The following NTM variants were observed in gnomAD, a reference collection of about 807,000 sequenced individuals.
NTM encodes IgLON family member 2.
NTM carries 13 observed loss-of-function variants against 42.1 expected under a neutral mutation model. The ratio of observed to expected loss-of-function variants is 0.31; its 90% CI spans 0.20 to 0.49. The LOEUF is 0.49. NTM is among the 20% of genes least tolerant of loss of function. The probability of loss-of-function intolerance (pLI) is 0.99; values close to 1 mark genes in which losing one functional copy is unlikely to be tolerated. For synonymous variants in NTM, 187 were observed against 179.2 expected, an observed-to-expected ratio of 1.04 and a Z score of -0.35; for missense variants, 373 against 452.8, an observed-to-expected ratio of 0.82 and a Z score of 1.60.
intron 2 of NTM, among the ~76,000 whole-genome samples, chr11:132,036,705 G>C (rs1465380936): frequency 6.6e-6 from 1 of 152,128 alleles, no homozygotes; most frequent in East Asian, 1.9e-4. Flanking sequence ...GAAACCATGT[G>C]GAGAAATCTG....
At chr11:132,172,402 G>A (rs1475246982) in intron 3 of NTM, among the ~76,000 whole-genome samples, 1 of 152,142 alleles carries the variant, frequency 6.6e-6, no homozygotes, top group East Asian at 1.9e-4. Flanking sequence ...TTGCCAAGGA[G>A]ATGTCTCTGC....
At chr11:131,376,230 A>T (rs562453430) in intron 1 of NTM, among the ~76,000 whole-genome samples, 2 of 152,200 alleles carry the variant, frequency 1.3e-5, no homozygotes, top group Non-Finnish European at 2.9e-5. Flanking sequence ...GATCCTATTA[A>T]TTACAGAGTC....
At chr11:132,279,449 T>A (rs1264881126) in intron 4 of NTM, among the ~76,000 whole-genome samples, 1 of 152,182 alleles carries the variant, frequency 6.6e-6, no homozygotes, top group African/African-American at 2.4e-5. Context: ...CTCAGGAGTA[T>A]CCTACAGTCC....
intron 1 of NTM, among the ~76,000 whole-genome samples, chr11:131,716,874 T>C (rs1015305151): frequency 1.3e-5 from 2 of 152,132 alleles, no homozygotes; most frequent in Non-Finnish European, 1.5e-5. Flanking sequence ...GGAGTCTCAT[T>C]ATGTCACCTA....
At chr11:131,632,955 G>A (rs1047584359) in intron 1 of NTM, among the ~76,000 whole-genome samples, 3 of 146,898 alleles carry the variant, frequency 2.0e-5, no homozygotes, top group Non-Finnish European at 4.4e-5. Flanking sequence ...TTACAGGCGT[G>A]AGCCACCGCG....
At chr11:131,627,234 T>C (rs984485935) in intron 1 of NTM, among the ~76,000 whole-genome samples, 2 of 151,834 alleles carry the variant, frequency 1.3e-5, no homozygotes, top group Non-Finnish European at 2.9e-5. Context: ...TTTATTTTTT[T>C]TGTGGGTTTG....
intron 1 of NTM, among the ~76,000 whole-genome samples, chr11:131,803,831 G>C (rs2092322339): frequency 6.6e-6 from 1 of 152,158 alleles, no homozygotes; most frequent in Admixed American, 6.5e-5. Flanking sequence ...GCATTCTCTA[G>C]AGTTCTGTCC....
At chr11:131,443,788 A>C (rs76116196) in intron 1 of NTM, among the ~76,000 whole-genome samples, 3,957 of 152,302 alleles carry the variant, frequency 0.026, 175 homozygotes, top group African/African-American at 0.089. Context: ...GCCTTGGTGA[A>C]TGCCAACTTC....
At chr11:131,664,809 A>T (rs1183303415) in intron 1 of NTM, among the ~76,000 whole-genome samples, 2 of 143,668 alleles carry the variant, frequency 1.4e-5, no homozygotes, top group Non-Finnish European at 3.0e-5. Context: ...TTCTGGCAAC[A>T]TTTAAAAGCC....
In NTM at chr11:132,335,068, G is replaced by T. The variant is rs965407270; in HGVS notation, c.990G>T (p.Val330=). 12 of 1,612,522 alleles carry T rather than the reference G, an allele frequency of 7.4e-6. No individual in the cohort carries two copies. Among genetic ancestry groups the T allele is most frequent in the Non-Finnish European group, 7.6e-6 (9 of 1,179,984 alleles). The change falls in exon 9 of 9, where the codon GTG becomes GTT. Residue 330 remains valine (V), a synonymous_variant. Transcript: ENST00000683400. Reference sequence around the variant, plus strand: ...CAGGTCCAGGCGCCGTCAGCGAGGTGAGCAACGGCACGTCGAGGAGGGCAG... The same window carrying T: ...CAGGTCCAGGCGCCGTCAGCGAGGTTAGCAACGGCACGTCGAGGAGGGCAG... ...PWKGPGAVSE[V]SNGTSRRAGC...
intron 1 of NTM, among the ~76,000 whole-genome samples, chr11:131,428,880 C>CAAAAAAAAAAAAAAA (rs35312475): frequency 1.2e-5 from 1 of 84,006 alleles, no homozygotes; most frequent in African/African-American, 4.7e-5. Context: ...ACTAAAAATA[C>CAAAAAAAAAAAAAAA]AAAAAAAAAA....
intron 5 of NTM, 76 bp downstream of exon 5, chr11:132,307,899 T>C: frequency 2.1e-6 from 3 of 1,429,554 alleles, no homozygotes; most frequent in Non-Finnish European, 2.9e-6. Flanking sequence ...CCAGAGCCCA[T>C]TGGCACAGCC....
intron 1 of NTM, among the ~76,000 whole-genome samples, chr11:131,522,167 T>G (rs1255653347): frequency 1.3e-5 from 2 of 152,096 alleles, no homozygotes; most frequent in Non-Finnish European, 2.9e-5. Context: ...CGGGATCTCT[T>G]CCCCTCCCAG....
At chr11:132,111,312 A>AT (rs2063172269) in intron 2 of NTM, among the ~76,000 whole-genome samples, 1 of 151,554 alleles carries the variant, frequency 6.6e-6, no homozygotes, top group Non-Finnish European at 1.5e-5. Flanking sequence ...ATACATATAT[A>AT]TTTTTTCTTG....
At chr11:131,822,766 G>A (rs1488491364) in intron 1 of NTM, among the ~76,000 whole-genome samples, 1 of 152,142 alleles carries the variant, frequency 6.6e-6, no homozygotes, top group Non-Finnish European at 1.5e-5. Context: ...GGGCAAATGA[G>A]AAAGGGGAAC....
chr11:131,490,986 T>A (rs2136293975), intron 1 of NTM, among the ~76,000 whole-genome samples: 1 of 152,300 alleles, frequency 6.6e-6, no homozygotes, highest in East Asian at 1.9e-4. Context: ...GACACAAGTG[T>A]CTCCCAGAAG....
intron 1 of NTM, among the ~76,000 whole-genome samples, chr11:131,558,640 T>TG (rs1490551639): frequency 1.8e-4 from 27 of 152,210 alleles, no homozygotes. Context: ...CTAATGGGGT[T>TG]GGCAATGTCC....
chr11:131,812,221 T>TCTC (rs2092764772), intron 1 of NTM, among the ~76,000 whole-genome samples: 2 of 139,190 alleles, frequency 1.4e-5, no homozygotes, highest in Non-Finnish European at 3.1e-5. Flanking sequence ...TCTCTCTCTC[T>TCTC]TCCCCTTCCT....
At chr11:131,908,975 T>G (rs1428113048) in intron 1 of NTM, among the ~76,000 whole-genome samples, 1 of 152,244 alleles carries the variant, frequency 6.6e-6, no homozygotes, top group Non-Finnish European at 1.5e-5. Context: ...GTTTTGGTGT[T>G]ATATATCAAA....
Sources: gnomAD v4.1 joint callset for allele counts (sites outside exome capture counted in the v4.1 genomes callset) on GRCh38, gnomAD v4.1.1 for gene constraint, MANE v1.5 for transcripts, NCBI Gene and HGNC (gene_info 2026-07-23, HGNC 2026-07-21) for gene names.